DNA2: variants seen among roughly 807,000 people sequenced by gnomAD.
The protein encoded by DNA2 is DNA replication ATP-dependent helicase/nuclease DNA2.
Under a neutral mutation model 119.1 loss-of-function variants are expected in DNA2, and 101 were observed. The observed-to-expected ratio is 0.85, with a 90% CI of 0.72 to 1.00. DNA2 has a LOEUF of 1.00. Among genes scored for constraint, DNA2 ranks in the 50% least tolerant of loss-of-function variants. The pLI is 0.00. For missense variants in DNA2, 1,121 were observed against 1,255.5 expected, an observed-to-expected ratio of 0.89 and a Z score of 1.62; for synonymous variants, 366 against 424.4, an observed-to-expected ratio of 0.86 and a Z score of 1.69.
At chr10:68,430,165 G>A (rs916534597) in intron 14 of DNA2, among the ~76,000 whole-genome samples, 40 of 152,024 alleles carry the variant, frequency 2.6e-4, no homozygotes, top group Non-Finnish European at 5.4e-4. Flanking sequence ...GATTACAAGC[G>A]TAAGCCATCG....
intron 10 of DNA2, among the ~76,000 whole-genome samples, chr10:68,433,407 C>A (rs139608998): frequency 6.6e-6 from 1 of 152,276 alleles, no homozygotes; most frequent in Admixed American, 6.5e-5. Context: ...TTTAGTTTTT[C>A]TTCCATTAAT....
In DNA2 at chr10:68,416,755, T is replaced by C. The variant is rs563633692; in HGVS notation, c.3068A>G (p.Tyr1023Cys). 13 of 1,613,922 alleles carry C rather than the reference T, an allele frequency of 8.1e-6. No homozygotes were observed. The highest frequency in any genetic ancestry group is 3.3e-5 in the Admixed American group (2 of 60,022). Residue 1023 changes from tyrosine to cysteine, a missense_variant, in exon 20 of 21, where the codon TAT becomes TGT. Physicochemically the swap from Tyr to Cys is radical, Grantham distance 194 (BLOSUM62 -2). Transcript: ENST00000358410. ...ATTAAGCAGCTTCTCCAAAGGAGGA[T>C]AGCAATTTAGTGAGGGCACACACCC... ...LLGCVPSLNC[Y>C]PPLEKLLNHL...
At chr10:68,439,998 C>T (rs1170884206) in intron 9 of DNA2, among the ~76,000 whole-genome samples, 6 of 148,938 alleles carry the variant, frequency 4.0e-5, no homozygotes, top group East Asian at 2.0e-4. Flanking sequence ...AGCAAGATTC[C>T]ATCTCAAAAA....
In DNA2 at chr10:68,430,560, C is replaced by G; in HGVS notation, c.2084G>C (p.Gly695Ala). The G allele has an allele frequency of 6.2e-7, 1 of 1,609,548 alleles. No homozygotes were observed. The highest frequency in any genetic ancestry group is 8.5e-7 in the Non-Finnish European group (1 of 1,177,848). The stretch of plus-strand genomic sequence containing the variant: ...CTGAATCTGACCCAAACGCAAAAAT[C>G]CTATTTTAAACTTGGCTAACTTCAA... ...ILLKLAKFKIGFLRLGQIQKV... is the reference protein window; with the variant it reads ...ILLKLAKFKIAFLRLGQIQKV... Residue 695 changes from glycine (G) to alanine (A), a missense_variant, in exon 14 of 21, where the codon GGA (glycine) becomes GCA (alanine). Gly to Ala is a moderately conservative substitution (Grantham distance 60). Transcript: ENST00000358410.
chr10:68,456,170 C>G (rs1210291192), intron 5 of DNA2, among the ~76,000 whole-genome samples: 1 of 151,994 alleles, frequency 6.6e-6, no homozygotes, highest in East Asian at 1.9e-4. Context: ...TGCAGTGAGC[C>G]TAAATCACAC....
rs752045519 is a variant in DNA2, at chr10:68,437,197, T to C, written c.1460A>G (p.His487Arg). The C allele has an allele frequency of 1.2e-6, 2 of 1,612,168 alleles. No homozygotes were observed. Among genetic ancestry groups the C allele is most frequent in the Non-Finnish European group, 1.7e-6 (2 of 1,178,458 alleles). ...SCIGNLIRME[H>R]VKIVCDGQYL... Reference sequence around the variant, plus strand: ...TTGCCCATCACAAACTATCTTTACATGTTCCATTCTAATCAGGTTTCCAAT... The same window carrying C: ...TTGCCCATCACAAACTATCTTTACACGTTCCATTCTAATCAGGTTTCCAAT... The change falls in exon 10 of 21, where the codon CAT (histidine) becomes CGT (arginine). Residue 487 changes from histidine to arginine, a missense_variant. Physicochemically the swap from His to Arg is conservative, Grantham distance 29. Transcript: ENST00000358410.
At chr10:68,432,133 A>G in intron 12 of DNA2, 73 bp downstream of exon 12, 2 of 1,168,354 alleles carry the variant, frequency 1.7e-6, no homozygotes, top group Non-Finnish European at 2.5e-6. Flanking sequence ...TCTAATCAAG[A>G]TATTAGACTA....
At chr10:68,419,305 C>G in intron 18 of DNA2, 92 bp from the exon 19 acceptor site, 1 of 997,012 alleles carries the variant, frequency 1.0e-6, no homozygotes, top group Non-Finnish European at 1.4e-6. Flanking sequence ...ATTATGTGCC[C>G]AACTGATGTT....
rs183847533 is a variant in DNA2, at chr10:68,469,832, G to C, written c.257+149C>G. 3,417 of 724,550 alleles carry C rather than the reference G, an allele frequency of 4.7e-3. 17 individuals carry two copies. The highest frequency in any genetic ancestry group is 0.026 in the Middle Eastern group (63 of 2,400). The allele number at this position is 724,550 out of a possible 1,614,324, so 44.9% of individuals were successfully genotyped here. ...TGAGACTTGAGATACAGGAGTAATA[G>C]ATACAATTTTCATGCAGAATTAGGC... On this transcript the variant is annotated intron_variant, in intron 2 of 20. Transcript: ENST00000358410.
intron 2 of DNA2, among the ~76,000 whole-genome samples, chr10:68,468,906 C>A (rs893600031): frequency 4.6e-5 from 7 of 151,866 alleles, no homozygotes; most frequent in South Asian, 4.1e-4. Context: ...AAAAATTAGC[C>A]GGGCGTGGTG....
chr10:68,419,267 T>G, intron 18 of DNA2, 54 bp from the exon 19 acceptor site: 1 of 1,319,270 alleles, frequency 7.6e-7, no homozygotes, highest in South Asian at 1.7e-5. Flanking sequence ...AAGTTAAACT[T>G]TTCTGAATTT....
intron 4 of DNA2, among the ~76,000 whole-genome samples, chr10:68,460,030 T>TACGCAC (rs1554909247): frequency 1.3e-4 from 19 of 145,602 alleles, no homozygotes; most frequent in African/African-American, 4.8e-4. Flanking sequence ...CCATCACAAA[T>TACGCAC]ACACACACAC....
rs1436878973 is a variant in DNA2 at position 68,456,516 on chromosome 10, C to T, written c.719+2588G>A. The stretch of plus-strand genomic sequence containing the variant: ...TGTAATCTCTGCCTCCTAGTTCAAG[C>T]AATCCTCCTGCCTCAGCCTCCCGAG... On this transcript the variant is annotated intron_variant, in intron 5 of 20. Coordinates refer to ENST00000358410, the MANE Select transcript of DNA2 (RefSeq NM_001080449.3). Among the ~76,000 whole-genome samples, 5 of 152,022 alleles carry T rather than the reference C, an allele frequency of 3.3e-5. No homozygotes were observed. The East Asian group carries it at 9.7e-4, about 30-fold the overall frequency.
chr10:68,430,165 G>GT (rs1398716534), intron 14 of DNA2, among the ~76,000 whole-genome samples: 1 of 152,024 alleles, frequency 6.6e-6, no homozygotes, highest in Non-Finnish European at 1.5e-5. Context: ...GATTACAAGC[G>GT]TAAGCCATCG....
At chr10:68,462,099 A>T (rs2052267419) in intron 4 of DNA2, among the ~76,000 whole-genome samples, 1 of 152,210 alleles carries the variant, frequency 6.6e-6, no homozygotes, top group African/African-American at 2.4e-5. Flanking sequence ...GGCTAGGTGC[A>T]GTGGCTCATA....
chr10:68,422,210 A>T lies in DNA2; in HGVS notation c.2697+15T>A. 6.6e-7 allele frequency: 1 copy of T among 1,513,276 alleles called. No homozygotes were observed. Among genetic ancestry groups the T allele is most frequent in the Non-Finnish European group, 8.8e-7 (1 of 1,131,802 alleles). The allele number at this position is 1,513,276 out of a possible 1,614,324, so 93.7% of individuals were successfully genotyped here. On this transcript the variant is annotated intron_variant, in intron 17 of 20. Coordinates refer to ENST00000358410, the MANE Select transcript of DNA2 (RefSeq NM_001080449.3). ...GACAAAATGAGAAAAACTAAACAGA[A>T]ATTTTTTTTTTTACCTTGTCTGTAT...
upstream of DNA2, chr10:68,472,176 C>G: frequency 7.7e-7 from 1 of 1,291,010 alleles, no homozygotes; most frequent in South Asian, 1.5e-5. Context: ...CAACCCGTGT[C>G]CGAAACCTCC....
chr10:68,456,470 A>T (rs748651846), intron 5 of DNA2, among the ~76,000 whole-genome samples: 1 of 152,176 alleles, frequency 6.6e-6, no homozygotes, highest in African/African-American at 2.4e-5. Context: ...GCTACAGTGC[A>T]GTGGCACGAT....
At chr10:68,446,977 C>G (rs2052048160) in intron 6 of DNA2, among the ~76,000 whole-genome samples, 1 of 152,000 alleles carries the variant, frequency 6.6e-6, no homozygotes, top group African/African-American at 2.4e-5. Context: ...TTTAGCTGTG[C>G]ATTTTAAAAT....
Sources: gnomAD v4.1 joint callset for allele counts (sites outside exome capture counted in the v4.1 genomes callset) on GRCh38, gnomAD v4.1.1 for gene constraint, MANE v1.5 for transcripts, NCBI Gene and HGNC (gene_info 2026-07-23, HGNC 2026-07-21) for gene names.